Variants in DGKZ observed in about 807,000 individuals in gnomAD.
DGKZ encodes the protein DAG kinase zeta.
DGKZ carries 45 observed loss-of-function variants against 142.5 expected under a neutral mutation model. The observed-to-expected ratio is 0.32, with a 90% CI of 0.25 to 0.40. The LOEUF is 0.40. Ranked by LOEUF, DGKZ falls within the 10% of genes least tolerant of loss-of-function variation. The probability of loss-of-function intolerance (pLI) is 1.00; values close to 1 mark genes in which losing one functional copy is unlikely to be tolerated. For missense variants in DGKZ, 755 were observed against 1,306.5 expected (o/e 0.58, Z 6.51); for synonymous variants, 442 against 527.0 (o/e 0.84, Z 2.21).
At chr11:46,360,091 A>G (rs1942471963) in intron 1 of DGKZ, among the ~76,000 whole-genome samples, 1 of 152,212 alleles carries the variant, frequency 6.6e-6, no homozygotes, top group Non-Finnish European at 1.5e-5. Flanking sequence ...TACTTCAACC[A>G]AAACAACATG....
chr11:46,339,367 A>G (rs1940167830), intron 1 of DGKZ, among the ~76,000 whole-genome samples: 2 of 152,244 alleles, frequency 1.3e-5, no homozygotes, highest in African/African-American at 4.8e-5. Context: ...AGCTGAGCTG[A>G]GCAGGGGGAG....
intron 1 of DGKZ, among the ~76,000 whole-genome samples, chr11:46,358,331 A>G (rs1017607727): frequency 1.3e-5 from 2 of 152,230 alleles, no homozygotes; most frequent in African/African-American, 4.8e-5. Flanking sequence ...TATGAAATAT[A>G]TATAAGGCAC....
chr11:46,339,149 C>T (rs1348755653), intron 1 of DGKZ, among the ~76,000 whole-genome samples: 3 of 152,216 alleles, frequency 2.0e-5, no homozygotes, highest in East Asian at 1.9e-4. Context: ...TGCCCCCTGC[C>T]GTGGGCACGC....
chr11:46,380,191 G>A, exon 31 of DGKZ: 1 of 462,744 alleles, frequency 2.2e-6, no homozygotes, highest in Non-Finnish European at 3.9e-6. Flanking sequence ...GACACGGCTG[G>A]GTTGGATATG....
At chr11:46,364,494 T>G (rs1293732813) in intron 1 of DGKZ, 1 of 1,240,602 alleles carries the variant, frequency 8.1e-7, no homozygotes, top group Non-Finnish European at 1.0e-6. Flanking sequence ...GGGCACTATT[T>G]GGGGTCATAA....
chr11:46,348,075 C>T (rs1940890186), intron 1 of DGKZ, among the ~76,000 whole-genome samples: 1 of 152,140 alleles, frequency 6.6e-6, no homozygotes, highest in African/African-American at 2.4e-5. Context: ...CACCGGCAGT[C>T]TAGTGCGCCT....
At chr11:46,352,068 G>A (rs1399657017) in intron 1 of DGKZ, among the ~76,000 whole-genome samples, 1 of 152,194 alleles carries the variant, frequency 6.6e-6, no homozygotes, top group African/African-American at 2.4e-5. Context: ...GGGGGAGAGT[G>A]AGAGAAACGG....
intron 1 of DGKZ, among the ~76,000 whole-genome samples, chr11:46,361,191 C>T (rs1025247996): frequency 8.5e-5 from 13 of 152,190 alleles, no homozygotes; most frequent in Non-Finnish European, 1.9e-4. Context: ...GATTAGCTTC[C>T]CCAGACCTCA....
exon 1 of DGKZ, chr11:46,333,358 G>A (rs1939861324): frequency 2.2e-6 from 3 of 1,370,538 alleles, no homozygotes; most frequent in South Asian, 1.7e-5. Flanking sequence ...GTGGTGCGGC[G>A]GCGATGCCGG....
At position 46,347,854 on chromosome 11, in the gene DGKZ, C is replaced by T. The variant is rs895867497; in HGVS notation, c.161+34C>T. On this transcript the variant is annotated intron_variant, in intron 1 of 30. Coordinates refer to ENST00000527911, the Ensembl canonical transcript of DGKZ. This position sits in a 1 kb window ranked among gnomAD's most constrained non-coding sequence, Gnocchi z 6.4. ...GGCGGCGGCGGGGCAGGCACCGAGG[C>T]ACCGGCAGGTTACCGCTCCCTCACC... is the stretch of plus-strand genomic sequence containing the variant. The T allele has an allele frequency of 2.4e-5, 31 of 1,273,612 alleles. No individual in the cohort carries two copies. The highest frequency in any genetic ancestry group is 3.0e-5 in the Non-Finnish European group (30 of 1,008,068). 78.9% of individuals were successfully genotyped at this position (1,273,612 alleles called of 1,614,324 possible). A position where few individuals can be genotyped will look rare whatever the true frequency, so the allele number is the denominator to read the frequency against.
intron 1 of DGKZ, among the ~76,000 whole-genome samples, chr11:46,359,770 A>ATTTT (rs779825781): frequency 7.8e-6 from 1 of 129,018 alleles, no homozygotes; most frequent in Non-Finnish European, 1.6e-5. Flanking sequence ...TGCCCGGCTA[A>ATTTT]TTTTTTTTTT....
At chr11:46,359,794 TGTTAGTA>T (rs1223138880) in intron 1 of DGKZ, among the ~76,000 whole-genome samples, 10 of 150,036 alleles carry the variant, frequency 6.7e-5, no homozygotes, top group Admixed American at 6.6e-4. Flanking sequence ...TTTTTTGTAT[TGTTAGTA>T]GAGACGGGGT....
intron 4 of DGKZ, chr11:46,369,155 A>G (rs752250795): frequency 4.9e-5 from 18 of 365,560 alleles, no homozygotes; most frequent in Non-Finnish European, 9.0e-5. Flanking sequence ...CAGCCTGGGC[A>G]ACAGAGCGAG....
chr11:46,366,844 C>T, intron 1 of DGKZ: 1 of 1,546,094 alleles, frequency 6.5e-7, no homozygotes, highest in Non-Finnish European at 8.7e-7. Context: ...CAGGCCAGCA[C>T]CCTGGCCCTG....
chr11:46,350,093 T>G (rs1218385690), intron 1 of DGKZ, among the ~76,000 whole-genome samples: 1 of 151,848 alleles, frequency 6.6e-6, no homozygotes, highest in East Asian at 1.9e-4. Flanking sequence ...ATGTAAGGAG[T>G]GTCCTTTGTT....
intron 1 of DGKZ, among the ~76,000 whole-genome samples, chr11:46,362,532 C>T (rs564529903): frequency 6.6e-6 from 1 of 152,280 alleles, no homozygotes; most frequent in South Asian, 2.1e-4. Flanking sequence ...GCCCTGCTGT[C>T]TGCCAGGTAT....
At position 46,372,395 on chromosome 11, in the gene DGKZ, C is replaced by T. The variant is rs1554956698; in HGVS notation, c.928-33C>T. 6.2e-7 allele frequency: 1 copy of T among 1,610,764 alleles called. No individual in the cohort carries two copies. Among genetic ancestry groups the T allele is most frequent in the Non-Finnish European group, 8.5e-7 (1 of 1,177,240 alleles). On this transcript the variant is annotated intron_variant, in intron 10 of 30. Transcript: ENST00000527911. The surrounding 1 kb of genome is among the most constrained non-coding windows in gnomAD (Gnocchi z 5.9). Reference sequence around the variant, plus strand: ...CTGCTCCCACTTCGTCCCACCACTGCCTGACTGTCTCTTGGCTCCCCATCC... The same window carrying T: ...CTGCTCCCACTTCGTCCCACCACTGTCTGACTGTCTCTTGGCTCCCCATCC...
chr11:46,335,021 T>C (rs1939945362), intron 1 of DGKZ, among the ~76,000 whole-genome samples: 1 of 151,994 alleles, frequency 6.6e-6, no homozygotes, highest in Admixed American at 6.6e-5. Context: ...CAGAGACAAA[T>C]CACAAATGGA....
At position 46,376,705 on chromosome 11, in the gene DGKZ, G is replaced by T. The variant is rs771779727; in HGVS notation, c.2202+141G>T. The T allele has an allele frequency of 3.4e-6, 4 of 1,162,074 alleles. No individual in the cohort carries two copies. In the African/African-American group the frequency reaches 4.6e-5, roughly 13 times the overall value. The allele number at this position is 1,162,074 out of a possible 1,614,324, so 72.0% of individuals were successfully genotyped here. ...TGAGAGCTTTTACTATTGCCTGTGTGCATGGACAGCGTGCGGCCCTGCCCT... is the reference window on the plus strand; with the variant it reads ...TGAGAGCTTTTACTATTGCCTGTGTTCATGGACAGCGTGCGGCCCTGCCCT... On this transcript the variant is annotated intron_variant, in intron 24 of 30. Coordinates refer to ENST00000527911, the Ensembl canonical transcript of DGKZ.
Sources: gnomAD v4.1 joint callset for allele counts (sites outside exome capture counted in the v4.1 genomes callset) on GRCh38, gnomAD v4.1.1 for gene constraint, Gnocchi (gnomAD v3.1) non-coding constraint, MANE v1.5 for transcripts, NCBI Gene and HGNC (gene_info 2026-07-23, HGNC 2026-07-21) for gene names.